CCSER1: variants seen among roughly 807,000 people sequenced by gnomAD.
CCSER1 encodes the protein serine-rich coiled-coil domain-containing protein 1.
CCSER1 carries 41 observed loss-of-function variants against 82.0 expected under a neutral mutation model. The ratio of observed to expected loss-of-function variants is 0.50; its 90% CI spans 0.39 to 0.65. The LOEUF is 0.65. CCSER1 is among the 30% of genes least tolerant of loss of function. The probability of loss-of-function intolerance (pLI) is 0.00; values close to 1 mark genes in which losing one functional copy is unlikely to be tolerated. For synonymous variants in CCSER1, 414 were observed against 383.9 expected, an observed-to-expected ratio of 1.08 and a Z score of -0.92; for missense variants, 1,119 against 1,064.2, an observed-to-expected ratio of 1.05 and a Z score of -0.72.
intron 10 of CCSER1, among the ~76,000 whole-genome samples, chr4:91,414,768 A>T (rs1341605187): frequency 6.6e-6 from 1 of 152,186 alleles, no homozygotes; most frequent in Non-Finnish European, 1.5e-5. Flanking sequence ...GACTATATTT[A>T]TATTAAACAA....
chr4:91,007,322 T>C (rs1017870683), intron 9 of CCSER1, among the ~76,000 whole-genome samples: 1 of 152,222 alleles, frequency 6.6e-6, no homozygotes, highest in African/African-American at 2.4e-5. Context: ...TCAGGAAGAA[T>C]TTCATCCCTT....
At chr4:91,385,788 G>A (rs902169859) in intron 10 of CCSER1, among the ~76,000 whole-genome samples, 4 of 151,812 alleles carry the variant, frequency 2.6e-5, no homozygotes, top group Non-Finnish European at 5.9e-5. Flanking sequence ...AAAATTCTAC[G>A]TGTATTTTTG....
rs896326696 is a variant in CCSER1 at position 90,465,110 on chromosome 4, C to T, written c.1604-3124C>T. Among the ~76,000 whole-genome samples, 12 of 151,210 alleles carry T rather than the reference C, an allele frequency of 7.9e-5. No homozygotes were observed. In the South Asian group the frequency reaches 1.0e-3, roughly 13 times the overall value. On this transcript the variant is annotated intron_variant, in intron 4 of 10. Coordinates refer to ENST00000509176, the MANE Select transcript of CCSER1 (RefSeq NM_001145065.2). ...TCCCAAGTAGCCGGGATTACAGGCA[C>T]GTGCCACCACATCCAGCTAATTTTT... is the stretch of plus-strand genomic sequence containing the variant.
intron 1 of CCSER1, among the ~76,000 whole-genome samples, chr4:90,159,078 G>T (rs1221601144): frequency 6.6e-6 from 1 of 152,144 alleles, no homozygotes; most frequent in Non-Finnish European, 1.5e-5. Flanking sequence ...GAGTCACTGA[G>T]GTTGGAGTGT....
intron 10 of CCSER1, among the ~76,000 whole-genome samples, chr4:91,377,582 G>T (rs938417819): frequency 1.4e-4 from 21 of 151,874 alleles, no homozygotes; most frequent in Admixed American, 1.1e-3. Context: ...CTTTGCCCAC[G>T]TTTTGATGGG....
intron 10 of CCSER1, among the ~76,000 whole-genome samples, chr4:91,130,348 A>G (rs1396794463): frequency 1.3e-5 from 2 of 151,988 alleles, no homozygotes; most frequent in Admixed American, 6.6e-5. Flanking sequence ...TTATCTTTCA[A>G]TTTGAATTTA....
chr4:90,500,974 A>G (rs1203220326), intron 5 of CCSER1, among the ~76,000 whole-genome samples: 2 of 152,066 alleles, frequency 1.3e-5, no homozygotes, highest in African/African-American at 4.8e-5. Context: ...CTGAAGGAGA[A>G]TATGGCTCTA....
chr4:91,564,781 G>C (rs958077270), intron 10 of CCSER1, among the ~76,000 whole-genome samples: 1 of 151,782 alleles, frequency 6.6e-6, no homozygotes, highest in African/African-American at 2.4e-5. Flanking sequence ...CTGGATATTA[G>C]ACCTTCTTCA....
At chr4:90,400,287 T>C (rs1752627499) in intron 4 of CCSER1, among the ~76,000 whole-genome samples, 158 bp downstream of exon 4, 1 of 152,074 alleles carries the variant, frequency 6.6e-6, no homozygotes, top group African/African-American at 2.4e-5. Context: ...GGAGACATAA[T>C]TTGGGTGCGT....
intron 5 of CCSER1, among the ~76,000 whole-genome samples, chr4:90,596,636 A>G (rs1315308111): frequency 6.6e-6 from 1 of 151,910 alleles, no homozygotes; most frequent in African/African-American, 2.4e-5. Flanking sequence ...ATGAGGAAAT[A>G]AAAGAAGGAT....
At chr4:91,428,424 A>C (rs1754113684) in intron 10 of CCSER1, among the ~76,000 whole-genome samples, 1 of 152,040 alleles carries the variant, frequency 6.6e-6, no homozygotes, top group African/African-American at 2.4e-5. Context: ...TGGCAAATGC[A>C]GTTGCCTTGC....
At chr4:90,537,068 T>C (rs1015831893) in intron 5 of CCSER1, among the ~76,000 whole-genome samples, 3 of 152,300 alleles carry the variant, frequency 2.0e-5, no homozygotes, top group South Asian at 2.1e-4. Context: ...CTTTGAAATC[T>C]AATTGTTTTA....
chr4:90,395,859 CAGA>C (rs962125162), intron 3 of CCSER1, among the ~76,000 whole-genome samples: 6 of 149,270 alleles, frequency 4.0e-5, no homozygotes, highest in Admixed American at 6.7e-5. Context: ...GACATGAGGT[CAGA>C]AGTTCAAGAC....
chr4:91,034,543 AC>A (rs72603816), intron 9 of CCSER1, among the ~76,000 whole-genome samples: 16,035 of 71,142 alleles, frequency 0.23, 895 homozygotes, highest in East Asian at 0.42. Flanking sequence ...AATTTCATAC[AC>A]CCCCCCCAAT....
intron 10 of CCSER1, among the ~76,000 whole-genome samples, chr4:91,164,651 ACTTCT>A (rs1242572346): frequency 7.9e-5 from 12 of 151,904 alleles, no homozygotes; most frequent in African/African-American, 1.2e-4. Context: ...TTTTCTCTAA[ACTTCT>A]CTTCTCACTT....
intron 5 of CCSER1, among the ~76,000 whole-genome samples, chr4:90,578,057 C>A (rs1055355642): frequency 6.6e-6 from 1 of 152,050 alleles, no homozygotes; most frequent in Non-Finnish European, 1.5e-5. Flanking sequence ...ACTCGTGCTG[C>A]TATTTACAGA....
At position 91,582,459 on chromosome 4, in the gene CCSER1, C is replaced by A. The variant is rs748027818; in HGVS notation, c.2218-16113C>A. On this transcript the variant is annotated intron_variant, in intron 10 of 10. Coordinates refer to ENST00000509176, the MANE Select transcript of CCSER1 (RefSeq NM_001145065.2). ...CTTTCACAGCTCTATATTAATCACTCTAGCTACCCACATTTGGGATTTACT... is the reference window on the plus strand; with the variant it reads ...CTTTCACAGCTCTATATTAATCACTATAGCTACCCACATTTGGGATTTACT... Among the ~76,000 whole-genome samples, 36 of 151,536 alleles carry A rather than the reference C, an allele frequency of 2.4e-4. 1 individual carries two copies. The highest frequency in any genetic ancestry group is 1.3e-4 in the Admixed American group (2 of 15,156).
At chr4:91,254,815 C>T (rs995455641) in intron 10 of CCSER1, among the ~76,000 whole-genome samples, 2 of 151,974 alleles carry the variant, frequency 1.3e-5, no homozygotes, top group Non-Finnish European at 2.9e-5. Context: ...ATTTAAAAAT[C>T]ATTTCTATTT....
At chr4:90,448,499 A>G (rs1198036722) in intron 4 of CCSER1, among the ~76,000 whole-genome samples, 1 of 95,636 alleles carries the variant, frequency 1.0e-5, no homozygotes, top group African/African-American at 3.5e-5. Flanking sequence ...CTTTTCTTCT[A>G]TTGTTTTCTA....
Sources: gnomAD v4.1 joint callset for allele counts (sites outside exome capture counted in the v4.1 genomes callset) on GRCh38, gnomAD v4.1.1 for gene constraint, MANE v1.5 for transcripts, NCBI Gene and HGNC (gene_info 2026-07-23, HGNC 2026-07-21) for gene names.